The following CUX1 variants were observed in gnomAD, a reference collection of about 807,000 sequenced individuals.
CUX1 encodes the protein protein CASP.
CUX1 carries 31 observed loss-of-function variants against 158.8 expected under a neutral mutation model. The ratio of observed to expected loss-of-function variants is 0.20; its 90% CI spans 0.15 to 0.26. The LOEUF (loss-of-function observed/expected upper bound fraction) is 0.26. Ranked by LOEUF, CUX1 falls within the 10% of genes least tolerant of loss-of-function variation. The pLI is 1.00. For missense variants in CUX1, 1,589 were observed against 2,014.6 expected (o/e 0.79, Z 4.04); for synonymous variants, 879 against 862.1 (o/e 1.02, Z -0.34).
downstream of CUX1, among the ~76,000 whole-genome samples, chr7:102,260,260 C>T (rs1554543451): frequency 1.3e-5 from 2 of 150,072 alleles, no homozygotes; most frequent in African/African-American, 4.9e-5. Flanking sequence ...CCACGCCTGG[C>T]TAATTTTTTG....
intron 2 of CUX1, among the ~76,000 whole-genome samples, chr7:101,953,405 T>G (rs572252257): frequency 6.6e-6 from 1 of 152,336 alleles, no homozygotes; most frequent in East Asian, 1.9e-4. Context: ...AACACTTCCC[T>G]ATGTGTTGTT....
chr7:101,989,788 A>G (rs1425824436), intron 2 of CUX1, among the ~76,000 whole-genome samples: 1 of 152,124 alleles, frequency 6.6e-6, no homozygotes, highest in South Asian at 2.1e-4. Context: ...TTCTGGGTGT[A>G]CAGAAGAGTG....
intron 1 of CUX1, among the ~76,000 whole-genome samples, chr7:101,856,655 A>G (rs1451715229): frequency 1.3e-5 from 2 of 151,822 alleles, no homozygotes; most frequent in Non-Finnish European, 2.9e-5. Flanking sequence ...AGCAAGTCCA[A>G]CTCTTCCTCT....
At chr7:102,004,185 G>A (rs566305793) in intron 2 of CUX1, among the ~76,000 whole-genome samples, 4 of 152,190 alleles carry the variant, frequency 2.6e-5, no homozygotes, top group Admixed American at 2.0e-4. Context: ...CCCAGAGCCC[G>A]GCTGTTACCA....
In CUX1 at chr7:102,256,021, TC is replaced by T. The variant is rs1254562673; in HGVS notation, c.*6981del. 1.0e-6 allele frequency: 1 copy of T among 985,336 alleles called. No individual in the cohort carries two copies. The highest frequency in any genetic ancestry group is 1.2e-6 in the Non-Finnish European group (1 of 829,960). 61.0% of individuals were successfully genotyped at this position (985,336 alleles called of 1,614,324 possible). On this transcript the variant is annotated 3_prime_UTR_variant, in exon 24 of 24. Coordinates refer to ENST00000292535, the MANE Select transcript of CUX1 (RefSeq NM_181552.4). ...TATGAATGAGTTTGTTCACTGTAGT[TC>T]CGTTTGTTCATGAACCGAAGGGAAA...
intron 3 of CUX1, among the ~76,000 whole-genome samples, chr7:102,069,104 T>TC (rs1219007309): frequency 6.6e-6 from 1 of 152,014 alleles, no homozygotes; most frequent in African/African-American, 2.4e-5. Flanking sequence ...CCAGCCGCCC[T>TC]CTCCTCCTCC....
chr7:101,891,780 TG>T (rs1295932325), intron 1 of CUX1, among the ~76,000 whole-genome samples: 1 of 152,236 alleles, frequency 6.6e-6, no homozygotes, highest in African/African-American at 2.4e-5. Context: ...AATATTAGTT[TG>T]GGGACAGTCA....
Position 101,875,829 on chromosome 7 carries a change from CT to C in CUX1, c.31-40275del, listed in dbSNP as rs1007318827. ...GAAAAACAACCATCTATTTAGCACT[CT>C]TTTTTTTTTTCCCAAAATGGAAATG... is the stretch of plus-strand genomic sequence containing the variant. On this transcript the variant is annotated intron_variant, in intron 1 of 23. Coordinates refer to ENST00000292535, the MANE Select transcript of CUX1 (RefSeq NM_181552.4). Among the ~76,000 whole-genome samples the C allele has an allele frequency of 3.2e-3, 464 of 147,032 alleles. 2 individuals carry two copies. Among genetic ancestry groups the C allele is most frequent in the African/African-American group, 8.1e-3 (325 of 40,300 alleles).
intron 4 of CUX1, 125 bp downstream of exon 4, chr7:102,070,542 C>T: frequency 1.5e-6 from 1 of 683,294 alleles, no homozygotes; most frequent in South Asian, 1.8e-5. Context: ...AACTTCCCCC[C>T]AAGAAACCAG....
intron 8 of CUX1, among the ~76,000 whole-genome samples, chr7:102,131,584 G>A (rs752293535): frequency 2.0e-5 from 3 of 151,540 alleles, no homozygotes; most frequent in Non-Finnish European, 2.9e-5. Flanking sequence ...AGAATAACAA[G>A]CCAACTATGT....
At chr7:101,891,327 T>G (rs1800853588) in intron 1 of CUX1, among the ~76,000 whole-genome samples, 1 of 152,220 alleles carries the variant, frequency 6.6e-6, no homozygotes, top group African/African-American at 2.4e-5. Flanking sequence ...TAAGCAATCC[T>G]CACGCCTCAG....
rs1791927472 is a variant in CUX1 at position 102,279,924 on chromosome 7, C to T, written c.1681-113C>T. 4.2e-6 allele frequency: 3 copies of T among 719,036 alleles called. No homozygotes were observed. In the African/African-American group the frequency reaches 5.3e-5, roughly 13 times the overall value. 44.5% of individuals were successfully genotyped at this position (719,036 alleles called of 1,614,324 possible). On this transcript the variant is annotated intron_variant, in intron 18 of 22. Transcript: ENST00000292538. ...TCCCGCCTCTGAGATCTAGGGCTCC[C>T]TCCCCCACTTCCCTTTTTTGCAGAT...
At chr7:101,991,105 G>A (rs985120232) in intron 2 of CUX1, among the ~76,000 whole-genome samples, 13 of 152,230 alleles carry the variant, frequency 8.5e-5, no homozygotes, top group African/African-American at 2.9e-4. Context: ...CCCTAGCCCC[G>A]CACCCACAGG....
At chr7:101,929,264 T>G (rs1024235646) in intron 2 of CUX1, among the ~76,000 whole-genome samples, 6 of 152,206 alleles carry the variant, frequency 3.9e-5, no homozygotes, top group Non-Finnish European at 7.3e-5. Flanking sequence ...ACTGCGGACT[T>G]GAACAGATAC....
intron 2 of CUX1, among the ~76,000 whole-genome samples, chr7:101,998,672 G>T (rs545915640): frequency 1.3e-5 from 2 of 152,176 alleles, no homozygotes; most frequent in African/African-American, 4.8e-5. Context: ...ACCCATCACT[G>T]GTGAAAAAAA....
In CUX1 at chr7:102,195,585, T is replaced by G; in HGVS notation, c.1204T>G (p.Ser402Ala). Residue 402 changes from serine to alanine, a missense_variant, in exon 14 of 24, where the codon TCC (serine) becomes GCC (alanine). Ser to Ala is a moderately conservative substitution (Grantham distance 99). Transcript: ENST00000292535. Reference sequence around the variant, plus strand: ...GTCCGAGAACGCCGCGCTGCGCATCTCCAACAGCGACCTGAGCGGTAGGTT... The same window carrying G: ...GTCCGAGAACGCCGCGCTGCGCATCGCCAACAGCGACCTGAGCGGTAGGTT... Reference protein sequence around the residue: ...LQSENAALRISNSDLSGSARR... With the variant: ...LQSENAALRIANSDLSGSARR... 1.2e-6 allele frequency: 2 copies of G among 1,610,024 alleles called. No homozygotes were observed. The highest frequency in any genetic ancestry group is 2.2e-5 in the South Asian group (2 of 90,070).
At chr7:102,190,463 G>A (rs1794154971) in intron 12 of CUX1, among the ~76,000 whole-genome samples, 1 of 152,018 alleles carries the variant, frequency 6.6e-6, no homozygotes, top group African/African-American at 2.4e-5. Context: ...CCAGGTCCTG[G>A]TCTTTACCTG....
chr7:102,257,153 G>T lies in CUX1; in HGVS notation c.*8111G>T. The T allele has an allele frequency of 1.0e-6, 1 of 985,366 alleles. No individual in the cohort carries two copies. Among genetic ancestry groups the T allele is most frequent in the African/African-American group, 1.7e-5 (1 of 57,348 alleles). The allele number at this position is 985,366 out of a possible 1,614,324, so 61.0% of individuals were successfully genotyped here. On this transcript the variant is annotated 3_prime_UTR_variant, in exon 24 of 24. Transcript: ENST00000292535. ...CAGAAGGAAACTTACCCCAGGCCAA[G>T]GCAAGGGCCCTGCTCACCCCAAGGT...
chr7:102,180,546 G>A (rs1321647072), intron 11 of CUX1, among the ~76,000 whole-genome samples: 1 of 151,678 alleles, frequency 6.6e-6, no homozygotes, highest in Non-Finnish European at 1.5e-5. Context: ...GGCTGGTCTG[G>A]GACGCCTGGG....
Sources: gnomAD v4.1 joint callset for allele counts (sites outside exome capture counted in the v4.1 genomes callset) on GRCh38, gnomAD v4.1.1 for gene constraint, MANE v1.5 for transcripts, NCBI Gene and HGNC (gene_info 2026-07-23, HGNC 2026-07-21) for gene names.